The following TCF3 variants were observed in gnomAD, a reference collection of about 807,000 sequenced individuals.
TCF3 encodes transcription factor 3.
Under a neutral mutation model 72.3 loss-of-function variants are expected in TCF3, and 54 were observed. That is an observed-to-expected ratio of 0.75 (90% confidence interval 0.60 to 0.94). The LOEUF is 0.94. Among genes scored for constraint, TCF3 ranks in the 40% least tolerant of loss-of-function variants. TCF3 has a pLI of 0.00. For synonymous variants in TCF3, 525 were observed against 412.6 expected (o/e 1.27, Z -3.30); for missense variants, 1,078 against 934.4 (o/e 1.15, Z -2.00).
rs1287299502 is a variant in TCF3, at chr19:1,609,792, C to T, written c.*1915G>A. On this transcript the variant is annotated 3_prime_UTR_variant, in exon 19 of 19. Transcript: ENST00000262965. ...GGTTTCCCTTGCATCTACCATGGGG[C>T]CCAGGCTCCCAAGCCAGTCTGGGGA... 4.3e-6 allele frequency: 1 copy of T among 231,194 alleles called. No individual in the cohort carries two copies. The highest frequency in any genetic ancestry group is 8.6e-6 in the Non-Finnish European group (1 of 116,902). 14.3% of individuals were successfully genotyped at this position (231,194 alleles called of 1,614,324 possible). A position where few individuals can be genotyped will look rare whatever the true frequency, so the allele number is the denominator to read the frequency against.
At position 1,620,982 on chromosome 19, in the gene TCF3, G is replaced by T. The variant is rs1047013409; in HGVS notation, c.1079C>A (p.Pro360His). 4 of 1,514,070 alleles carry T rather than the reference G, an allele frequency of 2.6e-6. No homozygotes were observed. The highest frequency in any genetic ancestry group is 4.8e-5 in the Admixed American group (2 of 41,412). 93.8% of individuals were successfully genotyped at this position (1,514,070 alleles called of 1,614,324 possible). A position where few individuals can be genotyped will look rare whatever the true frequency, so the allele number is the denominator to read the frequency against. ...CCCTCACAGACCTGCCAGGCCCTGG[G>T]GGGAGCCCACGGGGGTAGAAGGGCT... ...SSSPSTPVGSPQGLAGTSQWP... is the reference protein window; with the variant it reads ...SSSPSTPVGSHQGLAGTSQWP... Residue 360 changes from proline to histidine, a missense_variant, in exon 13 of 19, where the codon CCC becomes CAC. Pro to His is a moderately conservative substitution (Grantham distance 77). Coordinates refer to ENST00000262965, the MANE Select transcript of TCF3 (RefSeq NM_003200.5).
Position 1,611,771 on chromosome 19 carries a change from T to C in TCF3, c.1901A>G (p.Gln634Arg), listed in dbSNP as rs766945088. Residue 634 changes from glutamine to arginine, a missense_variant, in exon 19 of 19, where the codon CAG (glutamine) becomes CGG (arginine). Transcript: ENST00000262965. ...TGGGTGGGGAGCTGAAAGCACCATC[T>C]GGGGGTCTCCAACCACACCTGACAC... ...EKVSGVVGDP[Q>R]MVLSAPHPGL... The C allele has an allele frequency of 2.5e-6, 4 of 1,613,642 alleles. No individual in the cohort carries two copies. The Admixed American group carries it at 5.0e-5, about 20-fold the overall frequency.
At chr19:1,613,831 A>C (rs1173173454) in intron 18 of TCF3, among the ~76,000 whole-genome samples, 2 of 152,158 alleles carry the variant, frequency 1.3e-5, no homozygotes, top group Non-Finnish European at 2.9e-5. Flanking sequence ...CCAGCTCCCT[A>C]GGCCTCCAGG....
intron 11 of TCF3, 113 bp downstream of exon 11, chr19:1,621,725 A>G: frequency 7.3e-7 from 1 of 1,363,608 alleles, no homozygotes; most frequent in East Asian, 2.5e-5. Context: ...ACCCGCTCTC[A>G]GGGCCAGCAG....
At chr19:1,629,334 C>G (rs944117694) in intron 5 of TCF3, among the ~76,000 whole-genome samples, 1 of 150,828 alleles carries the variant, frequency 6.6e-6, no homozygotes, top group Non-Finnish European at 1.5e-5. Flanking sequence ...ACAGGCTCCC[C>G]CAAAGTGCCC....
At chr19:1,649,571 T>C (rs1295634664) in intron 2 of TCF3, among the ~76,000 whole-genome samples, 3 of 152,082 alleles carry the variant, frequency 2.0e-5, no homozygotes, top group Admixed American at 6.5e-5. Context: ...CCACCACTCC[T>C]AGCTAATTTT....
At position 1,650,208 on chromosome 19, in the gene TCF3, T is replaced by C. The variant is rs531415033; in HGVS notation, c.41A>G (p.Lys14Arg). The change falls in exon 2 of 19, where the codon AAG becomes AGG. Residue 14 changes from lysine to arginine, a missense_variant. Lys to Arg is a conservative substitution (Grantham distance 26, BLOSUM62 2). Coordinates refer to ENST00000262965, the MANE Select transcript of TCF3 (RefSeq NM_003200.5). ...PQRMAPVGTDKELSDLLDFSM... is the reference protein window; with the variant it reads ...PQRMAPVGTDRELSDLLDFSM... The stretch of plus-strand genomic sequence containing the variant: ...GAAGTCCAGGAGGTCACTGAGCTCC[T>C]TGTCTGTGCCCACAGGCGCCATCCT... 32 of 1,573,624 alleles carry C rather than the reference T, an allele frequency of 2.0e-5. 1 individual carries two copies. In the South Asian group the frequency reaches 2.9e-4, roughly 14 times the overall value.
At chr19:1,636,844 C>G (rs947616822) in intron 3 of TCF3, among the ~76,000 whole-genome samples, 5 of 152,202 alleles carry the variant, frequency 3.3e-5, no homozygotes, top group African/African-American at 1.2e-4. Flanking sequence ...TTCGATCTGC[C>G]TCTAATGTCT....
At position 1,621,005 on chromosome 19, in the gene TCF3, G is replaced by A. The variant is rs767366520; in HGVS notation, c.1056C>T (p.Ser352=). The change falls in exon 13 of 19, where the codon AGC becomes AGT. Residue 352 remains serine, a synonymous_variant. Transcript: ENST00000262965. The part of the protein sequence containing the change: ...PDHSSNNFSS[S]PSTPVGSPQG... ...GGGGGGAGCCCACGGGGGTAGAAGG[G>A]CTGGACGAGAAGTTATTGCTTGAGT... The A allele has an allele frequency of 6.6e-7, 1 of 1,520,640 alleles. No individual in the cohort carries two copies. Among genetic ancestry groups the A allele is most frequent in the Non-Finnish European group, 8.8e-7 (1 of 1,134,570 alleles). The allele number at this position is 1,520,640 out of a possible 1,614,324, so 94.2% of individuals were successfully genotyped here.
At position 1,610,481 on chromosome 19, in the gene TCF3, C is replaced by G. The variant is rs1267254919; in HGVS notation, c.*1226G>C. ...GAGCAGCATCCTCTCAGCCAGAGTT[C>G]AGAGCATGAGCCTGGGTCCCTGGGG... is the stretch of plus-strand genomic sequence containing the variant. On this transcript the variant is annotated 3_prime_UTR_variant, in exon 19 of 19. Coordinates refer to ENST00000262965, the MANE Select transcript of TCF3 (RefSeq NM_003200.5). 1 of 231,074 alleles carries G rather than the reference C, an allele frequency of 4.3e-6. No homozygotes were observed. Among genetic ancestry groups the G allele is most frequent in the Non-Finnish European group, 8.6e-6 (1 of 116,894 alleles). 14.3% of individuals were successfully genotyped at this position (231,074 alleles called of 1,614,324 possible).
Position 1,625,658 on chromosome 19 carries a change from G to C in TCF3, c.417C>G (p.Ser139=). The C allele has an allele frequency of 6.5e-7, 1 of 1,537,530 alleles. No individual in the cohort carries two copies. The highest frequency in any genetic ancestry group is 8.7e-7 in the Non-Finnish European group (1 of 1,148,886). Residue 139 remains serine, a synonymous_variant, in exon 7 of 19, where the codon TCC becomes TCG. Transcript: ENST00000262965. ...ELALNSPGPL[S]PSGMKGTSQY... ...GGGAGGTCCCCTTCATGCCCGAAGG[G>C]GACAGGGGCCCGGGGCTGTTGAGGG...
intron 6 of TCF3, 141 bp downstream of exon 6, chr19:1,627,218 C>T: frequency 1.8e-6 from 1 of 546,740 alleles, no homozygotes; most frequent in Non-Finnish European, 3.2e-6. Flanking sequence ...CCAGCCCACC[C>T]TGGCCCAAGC....
chr19:1,632,138 T>A (rs1375067889), intron 4 of TCF3, 22 bp from the exon 5 acceptor site: 7 of 1,609,114 alleles, frequency 4.4e-6, no homozygotes, highest in Non-Finnish European at 5.9e-6. Flanking sequence ...GGGGTGGGGA[T>A]GAGAGGTGCT....
intron 3 of TCF3, among the ~76,000 whole-genome samples, chr19:1,644,437 G>T (rs544209148): frequency 2.0e-3 from 306 of 152,280 alleles, no homozygotes; most frequent in Middle Eastern, 0.01. Context: ...GGGGTCCCAG[G>T]CTGGAGCAGC....
At chr19:1,613,088 G>T (rs1395369970) in intron 18 of TCF3, among the ~76,000 whole-genome samples, 3 of 141,982 alleles carry the variant, frequency 2.1e-5, no homozygotes, top group Non-Finnish European at 4.7e-5. Context: ...TGGCTGGTGT[G>T]GGTGTGGACA....
intron 3 of TCF3, among the ~76,000 whole-genome samples, chr19:1,638,952 G>C (rs971037546): frequency 9.2e-5 from 14 of 152,214 alleles, no homozygotes; most frequent in African/African-American, 3.1e-4. Context: ...TGAAACAAGC[G>C]ACTCAGGAGA....
chr19:1,622,716 C>T (rs760138549), intron 8 of TCF3, among the ~76,000 whole-genome samples: 12 of 152,288 alleles, frequency 7.9e-5, no homozygotes, highest in Non-Finnish European at 1.5e-4. Context: ...CCTCCTTAAT[C>T]CAGAAAACTC....
intron 18 of TCF3, chr19:1,612,397 G>A (rs752291075): frequency 2.5e-6 from 4 of 1,613,260 alleles, no homozygotes; most frequent in Non-Finnish European, 3.4e-6. Context: ...GGTCCCTCAG[G>A]TCTTTCTCCT....
intron 5 of TCF3, among the ~76,000 whole-genome samples, chr19:1,631,361 T>C (rs1264047294): frequency 1.3e-5 from 2 of 151,674 alleles, no homozygotes; most frequent in African/African-American, 2.4e-5. Flanking sequence ...CTCCACCTCC[T>C]GGGTTCAAGC....
Sources: gnomAD v4.1 joint callset for allele counts (sites outside exome capture counted in the v4.1 genomes callset) on GRCh38, gnomAD v4.1.1 for gene constraint, MANE v1.5 for transcripts, NCBI Gene and HGNC (gene_info 2026-07-23, HGNC 2026-07-21) for gene names.